The following AIM2 variants were observed in gnomAD, a reference collection of about 807,000 sequenced individuals.
AIM2 encodes interferon-inducible protein AIM2.
Under a neutral mutation model 27.7 loss-of-function variants are expected in AIM2, and 30 were observed. The observed-to-expected ratio is 1.08, with a 90% CI of 0.81 to 1.47. The LOEUF is 1.47. Ranked by LOEUF, AIM2 falls within the 40% of genes most tolerant of loss-of-function variation. The pLI, the probability that AIM2 is intolerant of heterozygous loss-of-function variation, is 0.00. For synonymous variants in AIM2, 141 were observed against 145.3 expected, an observed-to-expected ratio of 0.97 and a Z score of 0.21; for missense variants, 358 against 411.3, an observed-to-expected ratio of 0.87 and a Z score of 1.12.
chr1:159,117,031 AG>A (rs1463288845), intron 1 of AIM2, among the ~76,000 whole-genome samples: 1 of 152,160 alleles, frequency 6.6e-6, no homozygotes, highest in African/African-American at 2.4e-5. Context: ...TATTTTAGTG[AG>A]AGTTGTTTCA....
At chr1:159,121,936 C>A (rs1011035296) in intron 1 of AIM2, among the ~76,000 whole-genome samples, 1 of 152,060 alleles carries the variant, frequency 6.6e-6, no homozygotes, top group African/African-American at 2.4e-5. Flanking sequence ...TCAAATCAAA[C>A]AGAAAAATAA....
upstream of AIM2, among the ~76,000 whole-genome samples, chr1:159,078,816 A>G (rs1472856021): frequency 1.3e-5 from 2 of 152,236 alleles, no homozygotes; most frequent in African/African-American, 4.8e-5. Context: ...GAGTACTGAC[A>G]GCAAGGTTTA....
At chr1:159,129,530 G>A (rs965060791) in intron 1 of AIM2, among the ~76,000 whole-genome samples, 12 of 152,108 alleles carry the variant, frequency 7.9e-5, no homozygotes, top group African/African-American at 2.7e-4. Flanking sequence ...TATCAATGCT[G>A]TCTCCACCAC....
the AIM2 span, among the ~76,000 whole-genome samples, chr1:159,056,740 A>AAAC: frequency 6.9e-6 from 1 of 145,654 alleles, no homozygotes; most frequent in East Asian, 2.0e-4. Flanking sequence ...AAAAAAAAAA[A>AAAC]AAAAAAAACT....
intron 1 of AIM2, among the ~76,000 whole-genome samples, chr1:159,135,570 A>G (rs1429792035): frequency 6.6e-6 from 1 of 152,218 alleles, no homozygotes; most frequent in African/African-American, 2.4e-5. Flanking sequence ...CATTAGAGAC[A>G]TGCTTAAGCA....
intron 4 of AIM2, among the ~76,000 whole-genome samples, chr1:159,063,952 G>A (rs1393091799): frequency 6.6e-6 from 1 of 152,138 alleles, no homozygotes; most frequent in African/African-American, 2.4e-5. Flanking sequence ...TTAATGAATA[G>A]TTAGTATATT....
At chr1:159,119,476 T>A (rs1211889415) in intron 1 of AIM2, among the ~76,000 whole-genome samples, 1 of 152,158 alleles carries the variant, frequency 6.6e-6, no homozygotes, top group East Asian at 1.9e-4. Flanking sequence ...GATGCTCATA[T>A]TGTCCCAAAC....
Position 159,124,127 on chromosome 1 carries a change from AATT to A in AIM2, c.-16+16301_-16+16303del, listed in dbSNP as rs368239821. On this transcript the variant is annotated intron_variant, in intron 1 of 2. Coordinates refer to the AIM2 transcript ENST00000368129. Reference sequence around the variant, plus strand: ...TTTTGTCTTCTAGAAATTCTTACCTAATTATTAATGCTTGTTCCTAATATTTCT... The same window carrying A: ...TTTTGTCTTCTAGAAATTCTTACCTAATTAATGCTTGTTCCTAATATTTCT... 1.5e-3 allele frequency among the ~76,000 whole-genome samples: 233 copies of A among 152,240 alleles called. 1 individual carries two copies. The highest frequency in any genetic ancestry group is 5.0e-3 in the African/African-American group (209 of 41,546).
At chr1:159,098,242 C>T (rs76706394) in intron 1 of AIM2, among the ~76,000 whole-genome samples, 8,528 of 152,130 alleles carry the variant, frequency 0.056, 556 homozygotes, top group East Asian at 0.3. Flanking sequence ...ATGTGCCCAA[C>T]TTTCTTCATA....
At chr1:159,056,902 G>C in the AIM2 span, among the ~76,000 whole-genome samples, 2 of 152,056 alleles carry the variant, frequency 1.3e-5, no homozygotes, top group Non-Finnish European at 2.9e-5. Flanking sequence ...TATCAGTGAA[G>C]AGAGAACTGA....
chr1:159,092,012 T>A (rs1193792874), intron 1 of AIM2, among the ~76,000 whole-genome samples: 3 of 152,112 alleles, frequency 2.0e-5, no homozygotes, highest in Admixed American at 2.0e-4. Context: ...AATGTTCAAA[T>A]TAAGGAAAAA....
chr1:159,117,704 C>G (rs573592353), intron 1 of AIM2, among the ~76,000 whole-genome samples: 1 of 152,054 alleles, frequency 6.6e-6, no homozygotes, highest in African/African-American at 2.4e-5. Flanking sequence ...GTTGACCTTA[C>G]GAGACTTCTA....
At chr1:159,102,636 G>C (rs1192025687) in intron 1 of AIM2, among the ~76,000 whole-genome samples, 1 of 152,260 alleles carries the variant, frequency 6.6e-6, no homozygotes, top group Non-Finnish European at 1.5e-5. Flanking sequence ...TCTTGCATCA[G>C]TGTGCCCTGG....
At chr1:159,119,789 C>G (rs981711860) in intron 1 of AIM2, among the ~76,000 whole-genome samples, 11 of 151,742 alleles carry the variant, frequency 7.2e-5, no homozygotes, top group Admixed American at 3.3e-4. Flanking sequence ...TGTGTGTGTG[C>G]ATGTGTTTGT....
chr1:159,146,734 C>G lies in AIM2; in HGVS notation n.87+276G>C, dbSNP rs988989320. Among the ~76,000 whole-genome samples the G allele has an allele frequency of 1.8e-4, 27 of 152,258 alleles. 1 individual carries two copies. The highest frequency in any genetic ancestry group is 4.1e-4 in the South Asian group (2 of 4,820). ...CCACTGCTCTTCTCTGTCTCTGCCCCCCTTAGCCATCAACCTCAAGGCACT... is the reference window on the plus strand; with the variant it reads ...CCACTGCTCTTCTCTGTCTCTGCCCGCCTTAGCCATCAACCTCAAGGCACT... On this transcript the variant is annotated intron_variant and non_coding_transcript_variant, in intron 1 of 6. Coordinates refer to the AIM2 transcript ENST00000411768.
chr1:159,095,447 G>GT (rs1657159663), intron 1 of AIM2, among the ~76,000 whole-genome samples: 1 of 152,188 alleles, frequency 6.6e-6, no homozygotes, highest in South Asian at 2.1e-4. Flanking sequence ...GAAAGGTGAA[G>GT]TAAGAGCATT....
At chr1:159,105,834 A>G (rs986842634) in intron 1 of AIM2, among the ~76,000 whole-genome samples, 1 of 152,092 alleles carries the variant, frequency 6.6e-6, no homozygotes, top group Non-Finnish European at 1.5e-5. Context: ...GGTGGGCCTG[A>G]AAAAAGCACC....
chr1:159,105,089 C>T (rs562285260), intron 1 of AIM2, among the ~76,000 whole-genome samples: 1 of 152,304 alleles, frequency 6.6e-6, no homozygotes, highest in East Asian at 1.9e-4. Flanking sequence ...CCATGCCTGC[C>T]AAGGGTGAGC....
At chr1:159,079,493 A>T (rs1656722660), upstream of AIM2, among the ~76,000 whole-genome samples, 2 of 152,212 alleles carry the variant, frequency 1.3e-5, no homozygotes, top group Admixed American at 6.5e-5. Context: ...TTGATGAATG[A>T]GAAAGAACAC....
Sources: gnomAD v4.1 joint callset for allele counts (sites outside exome capture counted in the v4.1 genomes callset) on GRCh38, gnomAD v4.1.1 for gene constraint, MANE v1.5 for transcripts, NCBI Gene and HGNC (gene_info 2026-07-23, HGNC 2026-07-21) for gene names.